Variants in IRGM observed in about 807,000 individuals in gnomAD.
IRGM encodes immunity-related GTPase family M protein.
For missense variants in IRGM, 288 were observed against 219.9 expected (o/e 1.31, Z -1.96); for synonymous variants, 98 against 80.6 (o/e 1.22, Z -1.16).
At chr5:150,853,858 A>AT in intron 1 of IRGM, among the ~76,000 whole-genome samples, 1 of 152,168 alleles carries the variant, frequency 6.6e-6, no homozygotes, top group Admixed American at 6.5e-5. Context: ...ATTGTATCAC[A>AT]TCTCCCCAAC....
At chr5:150,889,646 ATCCTTGCTTTGTTCTTTAT>A (rs1754577867) in intron 3 of IRGM, among the ~76,000 whole-genome samples, 1 of 152,038 alleles carries the variant, frequency 6.6e-6, no homozygotes. Context: ...CAGAGAAGAC[ATCCTTGCTTTGTTCTTTAT>A]TTTAAAAAAA....
chr5:150,879,211 G>T (rs1009568468), intron 2 of IRGM, among the ~76,000 whole-genome samples: 1 of 152,158 alleles, frequency 6.6e-6, no homozygotes, highest in Non-Finnish European at 1.5e-5. Context: ...AGGATGTGCA[G>T]GTTATCCAAA....
At position 150,896,927 on chromosome 5, in the gene IRGM, T is replaced by G. The variant is rs144492882; in HGVS notation, c.*141-3662T>G. 27 of 1,613,162 alleles carry G rather than the reference T, an allele frequency of 1.7e-5. No individual in the cohort carries two copies. The Admixed American group carries it at 4.5e-4, about 27-fold the overall frequency. Reference sequence around the variant, plus strand: ...TCAGTATCTTATGATGGAAGGAAACTGTCCCCAAAATACATGACTGGGAGT... The same window carrying G: ...TCAGTATCTTATGATGGAAGGAAACGGTCCCCAAAATACATGACTGGGAGT... On this transcript the variant is annotated intron_variant and NMD_transcript_variant, in intron 3 of 3. Coordinates refer to the IRGM transcript ENST00000520549.
intron 3 of IRGM, among the ~76,000 whole-genome samples, chr5:150,881,918 C>T (rs1242409230): frequency 1.3e-5 from 2 of 152,128 alleles, no homozygotes; most frequent in Non-Finnish European, 2.9e-5. Context: ...CACAGTGGCT[C>T]ACCCTGTAAT....
At chr5:150,884,619 G>C (rs932227365) in intron 3 of IRGM, among the ~76,000 whole-genome samples, 8 of 152,056 alleles carry the variant, frequency 5.3e-5, no homozygotes, top group African/African-American at 1.9e-4. Flanking sequence ...CATTTTAACT[G>C]GTATGAGATG....
intron 1 of IRGM, among the ~76,000 whole-genome samples, chr5:150,872,876 A>G (rs1754305343): frequency 6.6e-6 from 1 of 152,172 alleles, no homozygotes; most frequent in Admixed American, 6.5e-5. Flanking sequence ...CCAAGCTGGG[A>G]GGGTCCAGAA....
At chr5:150,884,571 T>TTGTTGTG (rs1754489733) in intron 3 of IRGM, among the ~76,000 whole-genome samples, 1 of 152,112 alleles carries the variant, frequency 6.6e-6, no homozygotes, top group Non-Finnish European at 1.5e-5. Flanking sequence ...TCCACAACCT[T>TTGTTGTG]GCCAGCATTT....
At chr5:150,850,348 G>A (rs540436461), downstream of IRGM, among the ~76,000 whole-genome samples, 16 of 152,206 alleles carry the variant, frequency 1.1e-4, no homozygotes, top group South Asian at 1.7e-3. Flanking sequence ...TTTCTTCAAA[G>A]GAGGTCTTCA....
At chr5:150,890,450 T>C (rs535635508) in intron 3 of IRGM, among the ~76,000 whole-genome samples, 1 of 151,934 alleles carries the variant, frequency 6.6e-6, no homozygotes, top group Admixed American at 6.6e-5. Context: ...CAGCTTTTGA[T>C]GTATTTTCTT....
intron 1 of IRGM, among the ~76,000 whole-genome samples, chr5:150,875,144 G>T (rs1262450589): frequency 6.6e-6 from 1 of 152,136 alleles, no homozygotes. Flanking sequence ...TGCACTGTTG[G>T]TCTCATGGGG....
intron 3 of IRGM, chr5:150,898,221 G>A (rs1754867174): frequency 6.2e-7 from 1 of 1,609,338 alleles, no homozygotes; most frequent in Non-Finnish European, 8.5e-7. Context: ...GAGATTGACT[G>A]CACTGAAGGA....
intron 3 of IRGM, among the ~76,000 whole-genome samples, chr5:150,887,023 G>A (rs1469413029): frequency 6.6e-6 from 1 of 151,804 alleles, no homozygotes; most frequent in Non-Finnish European, 1.5e-5. Flanking sequence ...TCTTTCTAAT[G>A]TTTTGATGTG....
At position 150,895,617 on chromosome 5, in the gene IRGM, C is replaced by T. The variant is rs147702441; in HGVS notation, c.*141-4972C>T. ...GTAAGGTTTCTCTCCTGTATGAATT[C>T]GCTGGTGTCCCGGAAGGTGGGACTT... is the stretch of plus-strand genomic sequence containing the variant. On this transcript the variant is annotated intron_variant and NMD_transcript_variant, in intron 3 of 3. Transcript: ENST00000520549. The T allele has an allele frequency of 7.4e-4, 1,186 of 1,613,258 alleles. 1 individual carries two copies. The highest frequency in any genetic ancestry group is 1.0e-3 in the Admixed American group (62 of 59,830).
intron 1 of IRGM, among the ~76,000 whole-genome samples, chr5:150,856,857 GTTA>G (rs1403734572): frequency 6.9e-6 from 1 of 145,980 alleles, no homozygotes; most frequent in African/African-American, 2.5e-5. Context: ...TTATTTTATT[GTTA>G]TTTATTAATT....
rs11748158 is a variant in IRGM, at chr5:150,846,783, C to T, written c.-853C>T. The T allele has an allele frequency of 0.21, 31,574 of 153,176 alleles. 5,247 individuals are homozygous for T. The highest frequency in any genetic ancestry group is 0.44 in the African/African-American group (18,312 of 41,396). 9.5% of individuals were successfully genotyped at this position (153,176 alleles called of 1,614,324 possible). ...CTTCGCTCCTGAGTCAGTGAAACCA[C>T]GAACCCACCGGAAGGAAGAAACTCT... On this transcript the variant is annotated 5_prime_UTR_variant, in exon 1 of 2. It adds an upstream start codon to the 5' untranslated region. Transcript: ENST00000522154.
intron 1 of IRGM, among the ~76,000 whole-genome samples, chr5:150,862,109 A>G (rs1202684245): frequency 2.0e-5 from 3 of 152,206 alleles, no homozygotes; most frequent in Admixed American, 1.3e-4. Context: ...GCTCACTCAC[A>G]TTATTGGCAG....
At chr5:150,861,133 T>C (rs1754129667) in intron 1 of IRGM, among the ~76,000 whole-genome samples, 1 of 152,146 alleles carries the variant, frequency 6.6e-6, no homozygotes, top group Admixed American at 6.5e-5. Context: ...GCTCCAGTGG[T>C]TTGAAATATC....
At position 150,896,905 on chromosome 5, in the gene IRGM, G is replaced by A. The variant is rs577025150; in HGVS notation, c.*141-3684G>A. On this transcript the variant is annotated intron_variant and NMD_transcript_variant, in intron 3 of 3. Coordinates refer to the IRGM transcript ENST00000520549. The stretch of plus-strand genomic sequence containing the variant: ...GAACCATCCCTTGTGACTCCTTTCA[G>A]TATCTTATGATGGAAGGAAACTGTC... The A allele has an allele frequency of 5.1e-5, 82 of 1,613,446 alleles. 1 individual carries two copies. In the South Asian group the frequency reaches 8.5e-4, roughly 17 times the overall value.
At chr5:150,864,488 C>T (rs1193377238) in intron 1 of IRGM, among the ~76,000 whole-genome samples, 1 of 152,130 alleles carries the variant, frequency 6.6e-6, no homozygotes, top group Non-Finnish European at 1.5e-5. Context: ...AGCTGTATGT[C>T]TTCGTCATTA....
Sources: gnomAD v4.1 joint callset for allele counts (sites outside exome capture counted in the v4.1 genomes callset) on GRCh38, gnomAD v4.1.1 for gene constraint, MANE v1.5 for transcripts, NCBI Gene and HGNC (gene_info 2026-07-23, HGNC 2026-07-21) for gene names.